The following AVL9 variants were observed in gnomAD, a reference collection of about 807,000 sequenced individuals.
AVL9 encodes the protein AVL9 cell migration associated, also known as late secretory pathway protein AVL9 homolog.
A neutral mutation model predicts 79.2 loss-of-function variants in AVL9; 49 were observed. That is an observed-to-expected ratio of 0.62 (90% CI 0.49 to 0.79). The LOEUF is 0.79. Among genes scored for constraint, AVL9 ranks in the 30% least tolerant of loss-of-function variants. The pLI is 0.00. For synonymous variants in AVL9, 299 were observed against 280.6 expected, an observed-to-expected ratio of 1.07 and a Z score of -0.65; for missense variants, 682 against 776.8, an observed-to-expected ratio of 0.88 and a Z score of 1.45.
intron 10 of AVL9, among the ~76,000 whole-genome samples, chr7:32,565,058 T>C (rs1172216891): frequency 2.0e-5 from 3 of 152,198 alleles, no homozygotes; most frequent in Non-Finnish European, 4.4e-5. Flanking sequence ...TCTTCCCATC[T>C]TGTTACTGAA....
intron 10 of AVL9, 76 bp from the exon 11 acceptor site, chr7:32,569,944 T>C: frequency 6.9e-7 from 1 of 1,455,062 alleles, no homozygotes; most frequent in Non-Finnish European, 9.5e-7. Flanking sequence ...CTTTTCCTAC[T>C]GTTAGCTCAC....
intron 1 of AVL9, among the ~76,000 whole-genome samples, chr7:32,514,692 C>G (rs918898292): frequency 6.6e-6 from 1 of 152,304 alleles, no homozygotes; most frequent in Non-Finnish European, 1.5e-5. Flanking sequence ...CTTTTCCTGG[C>G]TCATCCTGGC....
At chr7:32,540,921 C>T (rs1385098641) in intron 1 of AVL9, among the ~76,000 whole-genome samples, 1 of 91,614 alleles carries the variant, frequency 1.1e-5, no homozygotes, top group Admixed American at 1.9e-4. Flanking sequence ...TTTTTTGAGA[C>T]GGAGTCTCGC....
chr7:32,516,766 TAAAAA>T (rs33970150), intron 1 of AVL9, among the ~76,000 whole-genome samples: 1 of 134,378 alleles, frequency 7.4e-6, no homozygotes, highest in Non-Finnish European at 1.5e-5. Context: ...CCTAGGCCTT[TAAAAA>T]AAAAAAAAAA....
intron 6 of AVL9, among the ~76,000 whole-genome samples, chr7:32,553,404 A>C (rs1789919674): frequency 1.3e-5 from 2 of 152,208 alleles, no homozygotes; most frequent in Admixed American, 6.5e-5. Flanking sequence ...AGCTGTCTAC[A>C]TTTAGATTAA....
chr7:32,497,342 CG>C (rs1786881230), intron 1 of AVL9, among the ~76,000 whole-genome samples: 1 of 150,702 alleles, frequency 6.6e-6, no homozygotes, highest in Non-Finnish European at 1.5e-5. Flanking sequence ...GCAACAAGAG[CG>C]AAAAAAAAAG....
At chr7:32,513,845 G>A (rs11980117) in intron 1 of AVL9, among the ~76,000 whole-genome samples, 51,019 of 152,078 alleles carry the variant, frequency 0.34, 8,784 homozygotes, top group South Asian at 0.44. Flanking sequence ...GGGTGATGGT[G>A]GGGAGAGGGT....
chr7:32,572,091 G>A (rs1204569235), intron 11 of AVL9, among the ~76,000 whole-genome samples: 1 of 151,268 alleles, frequency 6.6e-6, no homozygotes, highest in Non-Finnish European at 1.5e-5. Context: ...GAACCCGGGT[G>A]GCAGAGGTTG....
intron 1 of AVL9, among the ~76,000 whole-genome samples, chr7:32,529,584 TG>T (rs1031671223): frequency 1.3e-5 from 2 of 152,340 alleles, no homozygotes; most frequent in African/African-American, 4.8e-5. Flanking sequence ...AGTTAAGCAA[TG>T]GCCAGTGACT....
intron 1 of AVL9, among the ~76,000 whole-genome samples, chr7:32,503,576 A>T (rs113276641): frequency 0.016 from 2,307 of 148,586 alleles, 65 homozygotes; most frequent in African/African-American, 0.054. Context: ...AAAAAAAAAA[A>T]CTAGATTTGA....
intron 10 of AVL9, chr7:32,562,646 A>G: frequency 1.0e-5 from 10 of 984,082 alleles, no homozygotes; most frequent in Non-Finnish European, 1.1e-5. Flanking sequence ...TGGACTGGAC[A>G]TAGCATCTCA....
In AVL9 at chr7:32,588,237, G is replaced by C. The variant is rs1312601803; in HGVS notation, c.*4330G>C. On this transcript the variant is annotated 3_prime_UTR_variant, in exon 16 of 16. Coordinates refer to ENST00000318709, the MANE Select transcript of AVL9 (RefSeq NM_015060.3). ...TTCAGTTAGGTACTGAGCCAGAAAA[G>C]GTAATTGAAGTTTTCAGAAAGCTTC... 1.3e-5 allele frequency: 2 copies of C among 152,120 alleles called. No homozygotes were observed. The highest frequency in any genetic ancestry group is 2.9e-5 in the Non-Finnish European group (2 of 68,010). The allele number at this position is 152,120 out of a possible 1,614,324, so 9.4% of individuals were successfully genotyped here.
chr7:32,514,933 A>G (rs2128120191), intron 1 of AVL9, among the ~76,000 whole-genome samples: 1 of 152,356 alleles, frequency 6.6e-6, no homozygotes, highest in East Asian at 1.9e-4. Flanking sequence ...GACACGCATG[A>G]AAAATACAGC....
At chr7:32,554,131 A>T (rs1789959765) in intron 7 of AVL9, among the ~76,000 whole-genome samples, 1 of 152,208 alleles carries the variant, frequency 6.6e-6, no homozygotes, top group Non-Finnish European at 1.5e-5. Context: ...TTTTCAATAA[A>T]ACATCTATAT....
At chr7:32,580,422 G>T in intron 14 of AVL9, 150 bp downstream of exon 14, 2 of 660,842 alleles carry the variant, frequency 3.0e-6, no homozygotes, top group Non-Finnish European at 5.3e-6. Flanking sequence ...TAGCTCAGCA[G>T]TGTGTATGTT....
At chr7:32,529,786 T>G (rs893412329) in intron 1 of AVL9, among the ~76,000 whole-genome samples, 1 of 152,262 alleles carries the variant, frequency 6.6e-6, no homozygotes, top group African/African-American at 2.4e-5. Flanking sequence ...TATGTGTATG[T>G]AACAAATATC....
At chr7:32,573,661 G>A (rs1411502007) in intron 12 of AVL9, among the ~76,000 whole-genome samples, 1 of 152,050 alleles carries the variant, frequency 6.6e-6, no homozygotes, top group African/African-American at 2.4e-5. Flanking sequence ...TTACAAAAAT[G>A]GATCCCTTTA....
Position 32,583,890 on chromosome 7 carries a change from C to T in AVL9, c.1930C>T (p.Pro644Ser), listed in dbSNP as rs1301141280. The change falls in exon 16 of 16, where the codon CCA becomes TCA. Residue 644 changes from proline (P) to serine (S), a missense_variant. Pro to Ser is a moderately conservative substitution (Grantham distance 74). Coordinates refer to ENST00000318709, the MANE Select transcript of AVL9 (RefSeq NM_015060.3). The stretch of plus-strand genomic sequence containing the variant: ...CACCTCCCAAAGTCTCACTGAGCCA[C>T]CAGATGAGAAGCCTTGAGCAAGGCG... ...TSTSQSLTEPPDEKP is the reference protein window; with the variant it reads ...TSTSQSLTEPSDEKP The T allele has an allele frequency of 1.2e-6, 2 of 1,613,724 alleles. No individual in the cohort carries two copies. Among genetic ancestry groups the T allele is most frequent in the African/African-American group, 1.3e-5 (1 of 75,002 alleles).
intron 1 of AVL9, among the ~76,000 whole-genome samples, chr7:32,540,860 T>C (rs2128133075): frequency 6.8e-6 from 1 of 146,282 alleles, no homozygotes; most frequent in South Asian, 2.1e-4. Context: ...AGATTAAGCA[T>C]TGTTGTACTA....
Sources: gnomAD v4.1 joint callset for allele counts (sites outside exome capture counted in the v4.1 genomes callset) on GRCh38, gnomAD v4.1.1 for gene constraint, MANE v1.5 for transcripts, NCBI Gene and HGNC (gene_info 2026-07-23, HGNC 2026-07-21) for gene names.